NRCAM: variants seen among roughly 807,000 people sequenced by gnomAD.
NRCAM encodes the protein NgCAM-related cell adhesion molecule.
In NRCAM, 83 loss-of-function variants were observed where a neutral mutation model predicts 156.5. That is an observed-to-expected ratio of 0.53 (90% CI 0.44 to 0.64). The LOEUF is 0.64. Ranked by LOEUF, NRCAM falls within the 30% of genes least tolerant of loss-of-function variation. The probability of loss-of-function intolerance (pLI) is 0.00; values close to 1 mark genes in which losing one functional copy is unlikely to be tolerated. For synonymous variants in NRCAM, 538 were observed against 563.9 expected, an observed-to-expected ratio of 0.95 and a Z score of 0.65; for missense variants, 1,417 against 1,597.3, an observed-to-expected ratio of 0.89 and a Z score of 1.92.
chr7:108,455,293 C>T (rs1222395328), intron 1 of NRCAM, among the ~76,000 whole-genome samples: 1 of 152,068 alleles, frequency 6.6e-6, no homozygotes, highest in African/African-American at 2.4e-5. Context: ...CCCACCCGCG[C>T]GGCGTGGAGG....
At chr7:108,204,188 C>T (rs947277017) in intron 13 of NRCAM, among the ~76,000 whole-genome samples, 10 of 152,198 alleles carry the variant, frequency 6.6e-5, no homozygotes, top group Admixed American at 2.6e-4. Context: ...AAAAAGAGAG[C>T]GGCACAGGGC....
intron 1 of NRCAM, among the ~76,000 whole-genome samples, chr7:108,426,898 T>C (rs1817969720): frequency 6.6e-6 from 1 of 152,332 alleles, no homozygotes; most frequent in Non-Finnish European, 1.5e-5. Flanking sequence ...AACAACGCTT[T>C]CATCATCTTA....
chr7:108,412,405 T>C (rs200304196), intron 1 of NRCAM, among the ~76,000 whole-genome samples: 1 of 112,704 alleles, frequency 8.9e-6, no homozygotes, highest in African/African-American at 3.2e-5. Flanking sequence ...ATAGTCACTT[T>C]ATTGTATTTT....
chr7:108,188,053 C>T (rs1333685132), intron 20 of NRCAM, among the ~76,000 whole-genome samples: 3 of 152,086 alleles, frequency 2.0e-5, no homozygotes, highest in Admixed American at 2.0e-4. Flanking sequence ...GACCTTCAGA[C>T]CACAATGCTG....
chr7:108,180,497 GA>G (rs2062850462), intron 24 of NRCAM, 70 bp from the exon 25 acceptor site: 12 of 1,269,558 alleles, frequency 9.5e-6, no homozygotes. Context: ...TCACAAAATT[GA>G]AACTGTTGTT....
At chr7:108,336,836 A>G (rs944265073) in intron 2 of NRCAM, among the ~76,000 whole-genome samples, 12 of 152,218 alleles carry the variant, frequency 7.9e-5, no homozygotes, top group African/African-American at 2.9e-4. Flanking sequence ...AGTTAAATAG[A>G]TTCCTTTTTG....
chr7:108,172,812 C>CT (rs1376131952), intron 28 of NRCAM, among the ~76,000 whole-genome samples: 1 of 151,948 alleles, frequency 6.6e-6, no homozygotes, highest in African/African-American at 2.4e-5. Context: ...GTTTATAATC[C>CT]TTTTGTAATT....
intron 1 of NRCAM, among the ~76,000 whole-genome samples, chr7:108,454,687 T>C (rs997540858): frequency 1.3e-5 from 2 of 152,164 alleles, no homozygotes; most frequent in Non-Finnish European, 2.9e-5. Context: ...CCTCCGAGGT[T>C]TGTATTCAGA....
At chr7:108,421,609 T>G (rs1018788567) in intron 1 of NRCAM, among the ~76,000 whole-genome samples, 9 of 152,184 alleles carry the variant, frequency 5.9e-5, no homozygotes, top group South Asian at 2.1e-4. Flanking sequence ...GAAAAAAAAG[T>G]ACAAAGTTAA....
chr7:108,163,820 A>G (rs1410671819), intron 30 of NRCAM, among the ~76,000 whole-genome samples: 2 of 83,878 alleles, frequency 2.4e-5, no homozygotes, highest in East Asian at 8.1e-4. Flanking sequence ...CGGTAATGAG[A>G]GGTCATACCG....
intron 1 of NRCAM, among the ~76,000 whole-genome samples, chr7:108,425,521 C>T (rs1327032051): frequency 6.6e-6 from 1 of 152,128 alleles, no homozygotes; most frequent in Admixed American, 6.5e-5. Context: ...GTCCATTTTC[C>T]TCACAATCTA....
chr7:108,184,780 A>G (rs1343808523), intron 20 of NRCAM, among the ~76,000 whole-genome samples, 166 bp from the exon 21 acceptor site: 2 of 152,156 alleles, frequency 1.3e-5, no homozygotes, highest in Admixed American at 1.3e-4. Context: ...AGTTGTCATT[A>G]TCCTCAACAT....
At chr7:108,200,792 A>C (rs970425392) in intron 13 of NRCAM, among the ~76,000 whole-genome samples, 2 of 149,950 alleles carry the variant, frequency 1.3e-5, no homozygotes, top group Non-Finnish European at 3.0e-5. Flanking sequence ...ACACTATGAA[A>C]TACTACTCAG....
intron 26 of NRCAM, among the ~76,000 whole-genome samples, chr7:108,177,546 T>C (rs962826865): frequency 1.3e-5 from 2 of 151,492 alleles, no homozygotes; most frequent in African/African-American, 2.4e-5. Flanking sequence ...TGGTGTGAAC[T>C]CGGGAGATGG....
chr7:108,392,604 G>A (rs1339781899), intron 2 of NRCAM, among the ~76,000 whole-genome samples: 5 of 152,244 alleles, frequency 3.3e-5, no homozygotes, highest in South Asian at 2.1e-4. Context: ...GCTTTGTTCC[G>A]TTGCTGGCAA....
intron 29 of NRCAM, among the ~76,000 whole-genome samples, chr7:108,167,736 A>G (rs1022349370): frequency 3.9e-5 from 6 of 152,212 alleles, no homozygotes; most frequent in Non-Finnish European, 8.8e-5. Flanking sequence ...AAGCTGCCCC[A>G]TCTCCCAGTA....
At chr7:108,313,944 T>A (rs983051601) in intron 2 of NRCAM, among the ~76,000 whole-genome samples, 1 of 152,068 alleles carries the variant, frequency 6.6e-6, no homozygotes, top group Non-Finnish European at 1.5e-5. Flanking sequence ...AAGAAAAAAA[T>A]AAAATATAAA....
At chr7:108,322,759 T>G (rs961772839) in intron 2 of NRCAM, among the ~76,000 whole-genome samples, 3 of 152,188 alleles carry the variant, frequency 2.0e-5, no homozygotes, top group African/African-American at 7.2e-5. Flanking sequence ...AACACTGATC[T>G]TAAAAGAAAT....
chr7:108,328,309 G>A (rs370280332), intron 2 of NRCAM: 13 of 152,166 alleles, frequency 8.5e-5, no homozygotes, highest in East Asian at 3.9e-4. Flanking sequence ...TCTGGGCTTC[G>A]GTTTTAAACA....
Sources: gnomAD v4.1 joint callset for allele counts (sites outside exome capture counted in the v4.1 genomes callset) on GRCh38, gnomAD v4.1.1 for gene constraint, MANE v1.5 for transcripts, NCBI Gene and HGNC (gene_info 2026-07-23, HGNC 2026-07-21) for gene names.